Variants in COA1 observed in about 807,000 individuals in gnomAD.
The protein encoded by COA1 is cytochrome c oxidase assembly factor 1, also known as cytochrome c oxidase assembly factor 1 homolog.
Under a neutral mutation model 16.0 loss-of-function variants are expected in COA1, and 13 were observed. The observed-to-expected ratio is 0.81, with a 90% CI of 0.53 to 1.29. The LOEUF (loss-of-function observed/expected upper bound fraction) is 1.29, where lower values mean the gene tolerates loss of function less well. COA1 is among the 50% of genes most tolerant of loss of function. The pLI is 0.00. For missense variants in COA1, 179 were observed against 177.0 expected (o/e 1.01, Z -0.06); for synonymous variants, 65 against 65.7 (o/e 0.99, Z 0.05).
rs1488726915 is a variant in COA1 at position 43,640,567 on chromosome 7, G to A, written c.341+6C>T. 5 of 1,598,996 alleles carry A rather than the reference G, an allele frequency of 3.1e-6. No homozygotes were observed. The highest frequency in any genetic ancestry group is 4.3e-6 in the Non-Finnish European group (5 of 1,171,772). ...CTCCCCCACTGCCGTCACCTTCCCA[G>A]GATACCTCTGAAAGGGGCCACCTCT... is the stretch of plus-strand genomic sequence containing the variant. On this transcript the variant is annotated splice_donor_region_variant and intron_variant, in intron 5 of 5. Transcript: ENST00000223336.
At chr7:43,645,150 T>C in intron 4 of COA1, 101 bp downstream of exon 4, 1 of 1,128,086 alleles carries the variant, frequency 8.9e-7, no homozygotes. Flanking sequence ...TTAGTGGATT[T>C]TCCCATCCCA....
downstream of COA1, among the ~76,000 whole-genome samples, chr7:43,638,120 A>ATCTAC (rs1488103990): frequency 1.3e-5 from 2 of 152,226 alleles, no homozygotes; most frequent in East Asian, 3.8e-4. Context: ...TCACTGTATA[A>ATCTAC]TCTACTCAAA....
chr7:43,670,332 A>C (rs1180231276), intron 1 of COA1, among the ~76,000 whole-genome samples: 3 of 152,136 alleles, frequency 2.0e-5, no homozygotes, highest in African/African-American at 7.2e-5. Flanking sequence ...GGGTACCTGT[A>C]GTCCCAGCTA....
intron 1 of COA1, among the ~76,000 whole-genome samples, chr7:43,667,994 T>C (rs1483053485): frequency 6.6e-6 from 1 of 152,230 alleles, no homozygotes; most frequent in East Asian, 1.9e-4. Context: ...AATATAATTG[T>C]TTCCATCAGT....
At chr7:43,712,780 A>G (rs747260823) in intron 1 of COA1, among the ~76,000 whole-genome samples, 1 of 152,156 alleles carries the variant, frequency 6.6e-6, no homozygotes, top group Non-Finnish European at 1.5e-5. Flanking sequence ...CCTACTTCTT[A>G]GGAGATTTCC....
At chr7:43,650,733 C>T (rs1016476060) in intron 1 of COA1, 2 of 149,422 alleles carry the variant, frequency 1.3e-5, no homozygotes, top group South Asian at 2.1e-4. Context: ...AACAAGATAA[C>T]AAAAATAAAA....
intron 1 of COA1, among the ~76,000 whole-genome samples, chr7:43,695,540 T>G (rs960396089): frequency 3.3e-5 from 5 of 152,094 alleles, no homozygotes; most frequent in African/African-American, 1.2e-4. Flanking sequence ...TTCCCTTCAC[T>G]AGAATGTATG....
At chr7:43,671,028 G>A (rs2093226874) in intron 1 of COA1, among the ~76,000 whole-genome samples, 1 of 152,184 alleles carries the variant, frequency 6.6e-6, no homozygotes. Flanking sequence ...AATAGAGAAA[G>A]AATGAATAGT....
At chr7:43,637,774 A>T (rs1384792707), downstream of COA1, among the ~76,000 whole-genome samples, 2 of 152,224 alleles carry the variant, frequency 1.3e-5, no homozygotes, top group African/African-American at 4.8e-5. Context: ...ACATAATACT[A>T]TTTCCTATCA....
intron 4 of COA1, among the ~76,000 whole-genome samples, chr7:43,643,595 C>CA (rs1302915805): frequency 2.0e-5 from 3 of 152,232 alleles, no homozygotes; most frequent in African/African-American, 7.2e-5. Flanking sequence ...GACACTGGAC[C>CA]ATCACCTCTG....
chr7:43,626,696 A>T (rs2084583978), intron 6 of COA1: 1 of 152,220 alleles, frequency 6.6e-6, no homozygotes, highest in Non-Finnish European at 1.5e-5. Flanking sequence ...ACACGTTTGT[A>T]CTTGATGGAT....
chr7:43,706,099 A>G (rs919054014), intron 1 of COA1, among the ~76,000 whole-genome samples: 2 of 152,194 alleles, frequency 1.3e-5, no homozygotes, highest in Non-Finnish European at 2.9e-5. Flanking sequence ...GTCCAAAATT[A>G]TTGTTAAAGA....
chr7:43,627,951 C>T (rs2084750858), intron 6 of COA1, among the ~76,000 whole-genome samples: 1 of 152,118 alleles, frequency 6.6e-6, no homozygotes, highest in South Asian at 2.1e-4. Context: ...TATGTCGATG[C>T]TTATATCAGC....
intron 1 of COA1, among the ~76,000 whole-genome samples, chr7:43,667,982 G>A (rs1446262744): frequency 6.6e-6 from 1 of 152,182 alleles, no homozygotes; most frequent in East Asian, 1.9e-4. Context: ...TTAACTTACA[G>A]CAATATAATT....
chr7:43,683,073 G>T (rs559291937), intron 1 of COA1, among the ~76,000 whole-genome samples: 2 of 152,136 alleles, frequency 1.3e-5, no homozygotes, highest in South Asian at 4.2e-4. Context: ...GGCCAGGCTG[G>T]TCTCAAATTC....
At chr7:43,660,825 T>C (rs2092347327) in intron 1 of COA1, among the ~76,000 whole-genome samples, 1 of 152,252 alleles carries the variant, frequency 6.6e-6, no homozygotes, top group Non-Finnish European at 1.5e-5. Flanking sequence ...CATTCCTCTC[T>C]AGTCTAGAAT....
chr7:43,653,472 T>TA (rs2091224892), intron 1 of COA1, among the ~76,000 whole-genome samples: 1 of 152,314 alleles, frequency 6.6e-6, no homozygotes, highest in African/African-American at 2.4e-5. Flanking sequence ...AAAGTTTTTT[T>TA]AAGTAAAAGA....
intron 6 of COA1, among the ~76,000 whole-genome samples, chr7:43,620,833 A>G (rs2153010365): frequency 6.6e-6 from 1 of 152,294 alleles, no homozygotes. Context: ...TCAGTGTGGA[A>G]GTCACCTAGG....
chr7:43,706,737 G>A (rs1486386801), intron 1 of COA1, among the ~76,000 whole-genome samples: 1 of 151,892 alleles, frequency 6.6e-6, no homozygotes, highest in Non-Finnish European at 1.5e-5. Context: ...GGGCATGGTG[G>A]TGCATGCCTG....
Sources: allele counts gnomAD v4.1 joint callset (sites outside exome capture counted in the v4.1 genomes callset), GRCh38; gene constraint gnomAD v4.1.1; transcripts MANE v1.5; gene names NCBI Gene and HGNC (gene_info 2026-07-23, HGNC 2026-07-21).